Variants in SMAP2 observed in about 807,000 individuals in gnomAD.
SMAP2 encodes stromal membrane-associated protein 2.
SMAP2 carries 25 observed loss-of-function variants against 56.4 expected under a neutral mutation model. That is an observed-to-expected ratio of 0.44 (90% CI 0.32 to 0.62). The LOEUF (loss-of-function observed/expected upper bound fraction) is 0.62. Ranked by LOEUF, SMAP2 falls within the 20% of genes least tolerant of loss-of-function variation. The pLI, the probability that SMAP2 is intolerant of heterozygous loss-of-function variation, is 0.04. For missense variants in SMAP2, 388 were observed against 545.6 expected (o/e 0.71, Z 2.88); for synonymous variants, 157 against 181.7 (o/e 0.86, Z 1.09).
At chr1:40,360,060 G>T (rs1644453461) in intron 1 of SMAP2, among the ~76,000 whole-genome samples, 1 of 130,396 alleles carries the variant, frequency 7.7e-6, no homozygotes. Flanking sequence ...AGGCTGGAGT[G>T]CAGTGGTGCG....
intron 1 of SMAP2, among the ~76,000 whole-genome samples, chr1:40,360,749 G>A (rs529838795): frequency 2.0e-5 from 3 of 152,212 alleles, no homozygotes; most frequent in Non-Finnish European, 4.4e-5. Flanking sequence ...CCTTGTCACA[G>A]TGGAAAGCAA....
chr1:40,347,619 C>G (rs1644394601), intron 1 of SMAP2, among the ~76,000 whole-genome samples: 1 of 152,224 alleles, frequency 6.6e-6, no homozygotes, highest in Non-Finnish European at 1.5e-5. Context: ...TCCCCTGGCT[C>G]AGCCTCCTGA....
intron 1 of SMAP2, chr1:40,375,774 T>G (rs551176104): frequency 2.3e-4 from 226 of 984,338 alleles, no homozygotes; most frequent in Non-Finnish European, 2.6e-4. Context: ...AGCAACCCAC[T>G]GGAGTGAGCA....
rs1418892599 is a variant in SMAP2 at position 40,374,249 on chromosome 1, G to A, written c.103+26G>A. On this transcript the variant is annotated intron_variant, in intron 1 of 9. Coordinates refer to ENST00000372718, the MANE Select transcript of SMAP2 (RefSeq NM_022733.3). This position sits in a 1 kb window ranked among gnomAD's most constrained non-coding sequence, Gnocchi z 5.9. Reference sequence around the variant, plus strand: ...GTAGCGCATCCCACCTGGCGGGCCAGGGGTCCAGCCGCGCCGGGGTGGTGG... The same window carrying A: ...GTAGCGCATCCCACCTGGCGGGCCAAGGGTCCAGCCGCGCCGGGGTGGTGG... 6.3e-7 allele frequency: 1 copy of A among 1,585,000 alleles called. No homozygotes were observed. Among genetic ancestry groups the A allele is most frequent in the South Asian group, 1.1e-5 (1 of 87,952 alleles).
upstream of SMAP2, among the ~76,000 whole-genome samples, chr1:40,373,332 G>A (rs186226766): frequency 1.4e-3 from 208 of 152,296 alleles, no homozygotes; most frequent in African/African-American, 4.9e-3. Context: ...AAACAAGCTG[G>A]AGGACTTTGG....
chr1:40,406,878 C>T lies in SMAP2; in HGVS notation c.237+9C>T, dbSNP rs746632167. ...CTCAAGAACAGATTCAGGTACTTAG[C>T]CCAAGAGTGAGTCAGCTGCTTCCAT... On this transcript the variant is annotated intron_variant, in intron 2 of 9. Transcript: ENST00000372718. The T allele has an allele frequency of 3.2e-5, 52 of 1,604,672 alleles. No individual in the cohort carries two copies. The highest frequency in any genetic ancestry group is 4.3e-5 in the Non-Finnish European group (51 of 1,173,774).
chr1:40,400,943 G>A (rs1329946549), intron 1 of SMAP2, among the ~76,000 whole-genome samples: 1 of 152,050 alleles, frequency 6.6e-6, no homozygotes, highest in Admixed American at 6.6e-5. Flanking sequence ...TTGGCACATA[G>A]GTACACAATA....
chr1:40,411,428 G>A (rs1210287508), intron 4 of SMAP2, among the ~76,000 whole-genome samples: 1 of 152,218 alleles, frequency 6.6e-6, no homozygotes, highest in Non-Finnish European at 1.5e-5. Flanking sequence ...AGATGACGAA[G>A]GAGTAGAGTT....
chr1:40,396,293 C>G (rs936860476), intron 1 of SMAP2, among the ~76,000 whole-genome samples: 5 of 152,146 alleles, frequency 3.3e-5, no homozygotes, highest in African/African-American at 4.8e-5. Context: ...AAACCAACTA[C>G]CTTTTGAAAT....
At chr1:40,356,665 C>G (rs1430203422) in intron 1 of SMAP2, among the ~76,000 whole-genome samples, 2 of 152,122 alleles carry the variant, frequency 1.3e-5, no homozygotes, top group Non-Finnish European at 2.9e-5. Context: ...CCGCCTTGGC[C>G]TCCCAAAGTG....
At chr1:40,393,962 A>C (rs555732791) in intron 1 of SMAP2, among the ~76,000 whole-genome samples, 2 of 152,220 alleles carry the variant, frequency 1.3e-5, no homozygotes, top group Non-Finnish European at 2.9e-5. Flanking sequence ...TTCCAATTCC[A>C]AGTTGCCATT....
chr1:40,367,872 T>C (rs1172839896), intron 2 of SMAP2, among the ~76,000 whole-genome samples: 2 of 95,902 alleles, frequency 2.1e-5, no homozygotes, highest in African/African-American at 4.5e-5. Flanking sequence ...CTGAAGAAAA[T>C]AGAGACACAA....
chr1:40,393,908 C>A (rs1209675446), intron 1 of SMAP2, among the ~76,000 whole-genome samples: 3 of 152,166 alleles, frequency 2.0e-5, no homozygotes, highest in Non-Finnish European at 4.4e-5. Context: ...AAATTAACTT[C>A]TGACAATAAT....
chr1:40,403,427 C>T (rs1644855469), intron 1 of SMAP2, among the ~76,000 whole-genome samples: 1 of 152,110 alleles, frequency 6.6e-6, no homozygotes, highest in Non-Finnish European at 1.5e-5. Context: ...GTTGCTTGCA[C>T]CTAGGAGACG....
chr1:40,379,318 T>C (rs565934087), intron 1 of SMAP2, among the ~76,000 whole-genome samples: 1 of 152,270 alleles, frequency 6.6e-6, no homozygotes, highest in South Asian at 2.1e-4. Context: ...AATGTATGCA[T>C]AGACAAACAA....
chr1:40,346,238 C>T (rs890184414), intron 1 of SMAP2, among the ~76,000 whole-genome samples: 3 of 151,900 alleles, frequency 2.0e-5, no homozygotes, highest in Admixed American at 1.3e-4. Flanking sequence ...TATATAAATA[C>T]ATTATTTAAC....
At position 40,414,186 on chromosome 1, in the gene SMAP2, C is replaced by T. The variant is rs1026631614; in HGVS notation, c.517C>T (p.Pro173Ser). 1.9e-6 allele frequency: 3 copies of T among 1,614,194 alleles called. No homozygotes were observed. The highest frequency in any genetic ancestry group is 1.7e-6 in the Non-Finnish European group (2 of 1,180,018). ...ACAGAAAAAAGAAGACCCACAGCTA[C>T]CTCGGAAAAGCTCCCCGAAATCCAC... Reference protein sequence around the residue: ...MPQKKEDPQLPRKSSPKSTAP... With the variant: ...MPQKKEDPQLSRKSSPKSTAP... Residue 173 changes from proline to serine, a missense_variant, in exon 6 of 10, where the codon CCT becomes TCT. Transcript: ENST00000372718.
chr1:40,360,661 G>A (rs1469412589), intron 1 of SMAP2, among the ~76,000 whole-genome samples: 5 of 152,198 alleles, frequency 3.3e-5, no homozygotes, highest in Admixed American at 3.3e-4. Flanking sequence ...CAACAGCTGT[G>A]TGGCCCAGAG....
intron 1 of SMAP2, among the ~76,000 whole-genome samples, chr1:40,348,397 T>C (rs1041472084): frequency 1.3e-5 from 2 of 151,850 alleles, no homozygotes; most frequent in Non-Finnish European, 2.9e-5. Flanking sequence ...AACATGGAGG[T>C]TGAAATATAA....
Sources: allele counts gnomAD v4.1 joint callset (sites outside exome capture counted in the v4.1 genomes callset), GRCh38; gene constraint gnomAD v4.1.1; non-coding constraint Gnocchi (gnomAD v3.1); transcripts MANE v1.5; gene names NCBI Gene and HGNC (gene_info 2026-07-23, HGNC 2026-07-21).